COL25A1: variants seen among roughly 807,000 people sequenced by gnomAD.
COL25A1 encodes the protein collagen type XXV alpha 1 chain, also known as collagen alpha-1(XXV) chain.
A neutral mutation model predicts 128.4 loss-of-function variants in COL25A1; 103 were observed. The ratio of observed to expected loss-of-function variants is 0.80; its 90% CI spans 0.68 to 0.94. COL25A1 has a LOEUF of 0.94. Ranked by LOEUF, COL25A1 falls within the 40% of genes least tolerant of loss-of-function variation. The pLI is 0.00. For missense variants in COL25A1, 745 were observed against 840.0 expected (o/e 0.89, Z 1.40); for synonymous variants, 279 against 277.2 (o/e 1.01, Z -0.06).
At chr4:109,088,754 G>C (rs747978439) in intron 3 of COL25A1, among the ~76,000 whole-genome samples, 1 of 152,146 alleles carries the variant, frequency 6.6e-6, no homozygotes. Context: ...TCTTCTCTGC[G>C]GGGCCACATG....
chr4:108,944,708 C>G (rs895946091), intron 8 of COL25A1, among the ~76,000 whole-genome samples: 21 of 150,886 alleles, frequency 1.4e-4, no homozygotes, highest in Non-Finnish European at 2.9e-4. Flanking sequence ...AAAAAAAAAG[C>G]CTTAAGTTTT....
At chr4:109,238,177 C>T (rs1229221224) in intron 3 of COL25A1, among the ~76,000 whole-genome samples, 1 of 152,034 alleles carries the variant, frequency 6.6e-6, no homozygotes, top group Non-Finnish European at 1.5e-5. Context: ...GGTATACACC[C>T]ATAAGTGGAA....
intron 6 of COL25A1, among the ~76,000 whole-genome samples, chr4:108,980,198 C>T (rs945125181): frequency 3.3e-5 from 5 of 152,098 alleles, no homozygotes; most frequent in African/African-American, 4.8e-5. Flanking sequence ...TCTGAGAACA[C>T]GGGGTGTTCG....
At chr4:108,903,141 G>C (rs1239455866) in intron 13 of COL25A1, among the ~76,000 whole-genome samples, 1 of 151,872 alleles carries the variant, frequency 6.6e-6, no homozygotes, top group African/African-American at 2.4e-5. Context: ...ATGTTGCTTA[G>C]GTATCTGCAT....
At chr4:109,150,214 T>C (rs1399420261) in intron 3 of COL25A1, among the ~76,000 whole-genome samples, 1 of 152,144 alleles carries the variant, frequency 6.6e-6, no homozygotes, top group African/African-American at 2.4e-5. Context: ...TCAAATACTA[T>C]GAATGATCAC....
chr4:109,084,086 T>G (rs747082692), intron 3 of COL25A1, among the ~76,000 whole-genome samples: 1 of 152,256 alleles, frequency 6.6e-6, no homozygotes, highest in South Asian at 2.1e-4. Flanking sequence ...GACCTTGTCC[T>G]GAAGCAGAAC....
At chr4:108,913,981 T>C (rs1437193189) in intron 13 of COL25A1, among the ~76,000 whole-genome samples, 1 of 152,190 alleles carries the variant, frequency 6.6e-6, no homozygotes, top group African/African-American at 2.4e-5. Flanking sequence ...GCAAATAAAA[T>C]GTTAATTATA....
At chr4:109,146,487 A>C (rs2126094409) in intron 3 of COL25A1, among the ~76,000 whole-genome samples, 1 of 152,376 alleles carries the variant, frequency 6.6e-6, no homozygotes, top group African/African-American at 2.4e-5. Flanking sequence ...GTTCTGCTTA[A>C]GGGCAAGTCC....
chr4:108,878,923 T>TG (rs1243187061), intron 19 of COL25A1, among the ~76,000 whole-genome samples: 2 of 152,226 alleles, frequency 1.3e-5, no homozygotes, highest in Non-Finnish European at 2.9e-5. Flanking sequence ...TAACACAATG[T>TG]TATTCGTTTA....
At chr4:109,073,155 G>A (rs564973572) in intron 3 of COL25A1, among the ~76,000 whole-genome samples, 1 of 152,108 alleles carries the variant, frequency 6.6e-6, no homozygotes, top group Non-Finnish European at 1.5e-5. Context: ...GTGGGGGAGG[G>A]GCGCATGTGC....
At chr4:109,176,705 T>A (rs1396734492) in intron 3 of COL25A1, among the ~76,000 whole-genome samples, 1 of 152,114 alleles carries the variant, frequency 6.6e-6, no homozygotes, top group East Asian at 1.9e-4. Flanking sequence ...AAGTGAAAGA[T>A]CTCAAGATGA....
chr4:108,896,507 T>C (rs1274153266), intron 16 of COL25A1, among the ~76,000 whole-genome samples, 160 bp downstream of exon 16: 3 of 152,194 alleles, frequency 2.0e-5, no homozygotes, highest in African/African-American at 7.2e-5. Flanking sequence ...TCACCTTTTA[T>C]AAATCAAGTA....
chr4:108,956,891 T>C (rs1275774592), intron 8 of COL25A1, among the ~76,000 whole-genome samples: 1 of 152,142 alleles, frequency 6.6e-6, no homozygotes, highest in African/African-American at 2.4e-5. Flanking sequence ...GATGGAATGA[T>C]GAGAGTGGTA....
At chr4:109,211,260 GTATATATATGAAACTA>G (rs1395229631) in intron 3 of COL25A1, among the ~76,000 whole-genome samples, 55 of 111,192 alleles carry the variant, frequency 4.9e-4, no homozygotes, top group South Asian at 2.5e-3. Flanking sequence ...CAATATATAT[GTATATATATGAAACTA>G]TATATATATG....
chr4:109,085,580 T>C (rs1337393180), intron 3 of COL25A1, among the ~76,000 whole-genome samples: 3 of 152,196 alleles, frequency 2.0e-5, no homozygotes, highest in Non-Finnish European at 4.4e-5. Flanking sequence ...CTTAAGGACA[T>C]ATCTGGTTAT....
intron 6 of COL25A1, among the ~76,000 whole-genome samples, chr4:108,989,390 C>A (rs1212318104): frequency 1.3e-5 from 2 of 151,994 alleles, no homozygotes; most frequent in East Asian, 3.9e-4. Context: ...AGCCCCATAG[C>A]TTAGGTTGCC....
intron 3 of COL25A1, among the ~76,000 whole-genome samples, chr4:109,112,153 C>T (rs1767081925): frequency 1.3e-5 from 2 of 151,916 alleles, no homozygotes; most frequent in South Asian, 4.2e-4. Flanking sequence ...AAATTAAATT[C>T]CCCTGCTATA....
At chr4:109,007,848 A>G (rs1380972933) in intron 6 of COL25A1, among the ~76,000 whole-genome samples, 4 of 152,144 alleles carry the variant, frequency 2.6e-5, no homozygotes, top group African/African-American at 9.7e-5. Context: ...ACCATCATCC[A>G]CGGTTCTCCT....
chr4:109,065,398 A>G (rs1762332309), intron 3 of COL25A1, among the ~76,000 whole-genome samples: 1 of 152,114 alleles, frequency 6.6e-6, no homozygotes, highest in African/African-American at 2.4e-5. Context: ...GATCAGTTCT[A>G]CATTCCAGAA....
Sources: gnomAD v4.1 joint callset for allele counts (sites outside exome capture counted in the v4.1 genomes callset) on GRCh38, gnomAD v4.1.1 for gene constraint, MANE v1.5 for transcripts, NCBI Gene and HGNC (gene_info 2026-07-23, HGNC 2026-07-21) for gene names.